The following CACNA2D3 variants were observed in gnomAD, a reference collection of about 807,000 sequenced individuals.
CACNA2D3 encodes the protein calcium voltage-gated channel auxiliary subunit alpha2delta 3.
In CACNA2D3, 60 loss-of-function variants were observed where a neutral mutation model predicts 160.6. The ratio of observed to expected loss-of-function variants is 0.37; its 90% CI spans 0.30 to 0.46. The LOEUF (loss-of-function observed/expected upper bound fraction) is 0.46, where lower values mean the gene tolerates loss of function less well. Ranked by LOEUF, CACNA2D3 falls within the 20% of genes least tolerant of loss-of-function variation. The pLI is 1.00. For missense variants in CACNA2D3, 1,205 were observed against 1,365.0 expected (o/e 0.88, Z 1.85); for synonymous variants, 558 against 492.9 (o/e 1.13, Z -1.75).
chr3:54,682,610 CAA>C (rs1373131872), intron 11 of CACNA2D3, among the ~76,000 whole-genome samples: 1 of 150,652 alleles, frequency 6.6e-6, no homozygotes, highest in African/African-American at 2.4e-5. Context: ...AACTCTGACT[CAA>C]AAAAGAAAAA....
intron 2 of CACNA2D3, among the ~76,000 whole-genome samples, chr3:54,260,742 G>T (rs966038001): frequency 2.0e-5 from 3 of 151,712 alleles, no homozygotes; most frequent in African/African-American, 7.3e-5. Flanking sequence ...AACATGCCAA[G>T]CCCTTTCAGC....
chr3:54,537,133 G>C (rs76150696), intron 5 of CACNA2D3, among the ~76,000 whole-genome samples: 1 of 152,136 alleles, frequency 6.6e-6, no homozygotes, highest in Admixed American at 6.5e-5. Flanking sequence ...TGGAAGAAGG[G>C]AGGGACAGGC....
In CACNA2D3 at chr3:55,074,485, C is replaced by T. The variant is rs1265797781; in HGVS notation, c.*279C>T. On this transcript the variant is annotated 3_prime_UTR_variant, in exon 38 of 38. Transcript: ENST00000474759. ...TGGGACCGCAAGTGGTAGGCAGTGT[C>T]CCTTCTGCTTGAAACCTATTGAAAC... is the stretch of plus-strand genomic sequence containing the variant. The T allele has an allele frequency of 7.0e-6, 3 of 425,656 alleles. No homozygotes were observed. In the Admixed American group the frequency reaches 1.2e-4, roughly 17 times the overall value. The allele number at this position is 425,656 out of a possible 1,614,324, so 26.4% of individuals were successfully genotyped here.
At chr3:54,175,428 A>G (rs1700659603) in intron 2 of CACNA2D3, among the ~76,000 whole-genome samples, 1 of 151,980 alleles carries the variant, frequency 6.6e-6, no homozygotes, top group South Asian at 2.1e-4. Context: ...CATCCTGGCT[A>G]GCATGGTGAA....
chr3:54,660,342 A>G (rs1297829472), intron 11 of CACNA2D3, among the ~76,000 whole-genome samples: 7 of 151,854 alleles, frequency 4.6e-5, no homozygotes, highest in African/African-American at 1.5e-4. Context: ...TTGTATTTTT[A>G]GTAGAGACGG....
chr3:55,021,663 GTGTA>G (rs561839662), intron 35 of CACNA2D3, among the ~76,000 whole-genome samples: 1,523 of 140,580 alleles, frequency 0.011, 39 homozygotes, highest in African/African-American at 0.04. Flanking sequence ...ATATATGTGT[GTGTA>G]TATATATATG....
intron 13 of CACNA2D3, among the ~76,000 whole-genome samples, chr3:54,797,549 C>T (rs532162500): frequency 2.6e-5 from 4 of 152,330 alleles, no homozygotes; most frequent in South Asian, 4.1e-4. Context: ...TGGTATCATA[C>T]GGTTTTTTTG....
At chr3:54,300,001 C>G (rs993514759) in intron 2 of CACNA2D3, among the ~76,000 whole-genome samples, 1 of 152,130 alleles carries the variant, frequency 6.6e-6, no homozygotes, top group Non-Finnish European at 1.5e-5. Flanking sequence ...ATTTGCTGCT[C>G]GGATGTATTT....
At chr3:54,804,245 A>C (rs1440668763) in intron 13 of CACNA2D3, among the ~76,000 whole-genome samples, 1 of 152,046 alleles carries the variant, frequency 6.6e-6, no homozygotes, top group Admixed American at 6.6e-5. Flanking sequence ...GCTCCAATTA[A>C]AAGACACAGA....
chr3:54,940,457 C>T (rs997472779), intron 27 of CACNA2D3, among the ~76,000 whole-genome samples: 2 of 152,162 alleles, frequency 1.3e-5, no homozygotes, highest in African/African-American at 2.4e-5. Flanking sequence ...TATTAAGCTC[C>T]ACCAACATTT....
chr3:54,783,043 G>T (rs1008627019), intron 13 of CACNA2D3, among the ~76,000 whole-genome samples: 1 of 152,130 alleles, frequency 6.6e-6, no homozygotes, highest in African/African-American at 2.4e-5. Flanking sequence ...TGAGGATTTT[G>T]CCTAAGGAAA....
chr3:54,635,751 T>C (rs554268942), intron 10 of CACNA2D3, among the ~76,000 whole-genome samples: 3,102 of 151,724 alleles, frequency 0.02, 116 homozygotes, highest in African/African-American at 0.072. Flanking sequence ...GTAAGGGATA[T>C]AAAGGTTTCA....
At chr3:54,231,355 C>T (rs34152564) in intron 2 of CACNA2D3, among the ~76,000 whole-genome samples, 4,347 of 152,294 alleles carry the variant, frequency 0.029, 178 homozygotes, top group East Asian at 0.21. Context: ...ATCCACCATA[C>T]CTGCAAGATG....
intron 5 of CACNA2D3, among the ~76,000 whole-genome samples, chr3:54,540,009 A>G (rs188659964): frequency 1.6e-4 from 24 of 152,266 alleles, no homozygotes; most frequent in Admixed American, 1.5e-3. Flanking sequence ...CACCAACTCA[A>G]TTTGCAGCCG....
chr3:54,253,228 CT>C (rs1702230222), intron 2 of CACNA2D3, among the ~76,000 whole-genome samples: 1 of 151,604 alleles, frequency 6.6e-6, no homozygotes. Context: ...GGGTGGGTCT[CT>C]ATTAGTGTGT....
At chr3:54,564,081 A>G (rs1437443704) in intron 6 of CACNA2D3, among the ~76,000 whole-genome samples, 1 of 152,228 alleles carries the variant, frequency 6.6e-6, no homozygotes, top group Admixed American at 6.5e-5. Flanking sequence ...AACAGAGAGC[A>G]AATCTGGTGC....
chr3:54,794,353 C>T (rs547181387), intron 13 of CACNA2D3, among the ~76,000 whole-genome samples: 77 of 152,112 alleles, frequency 5.1e-4, no homozygotes, highest in Non-Finnish European at 8.8e-4. Context: ...TCACACTATA[C>T]GCTATTATTA....
At chr3:54,792,984 T>C (rs1384484507) in intron 13 of CACNA2D3, among the ~76,000 whole-genome samples, 1 of 152,300 alleles carries the variant, frequency 6.6e-6, no homozygotes, top group East Asian at 1.9e-4. Context: ...TCCTTTTAGA[T>C]AGAACAGCCT....
At chr3:54,925,375 A>T (rs971482524) in intron 27 of CACNA2D3, among the ~76,000 whole-genome samples, 1 of 152,204 alleles carries the variant, frequency 6.6e-6, no homozygotes, top group Non-Finnish European at 1.5e-5. Flanking sequence ...TAGTAGAGCC[A>T]GGCTGGTCAG....
Sources: gnomAD v4.1 joint callset for allele counts (sites outside exome capture counted in the v4.1 genomes callset) on GRCh38, gnomAD v4.1.1 for gene constraint, MANE v1.5 for transcripts, NCBI Gene and HGNC (gene_info 2026-07-23, HGNC 2026-07-21) for gene names.